GALR2: variants seen among roughly 807,000 people sequenced by gnomAD.
The protein encoded by GALR2 is galanin receptor type 2.
GALR2 carries 5 observed loss-of-function variants against 7.2 expected under a neutral mutation model. The ratio of observed to expected loss-of-function variants is 0.69; its 90% CI spans 0.36 to 1.45. The LOEUF (loss-of-function observed/expected upper bound fraction) is 1.45. Among genes scored for constraint, GALR2 ranks in the 40% most tolerant of loss-of-function variants. The probability of loss-of-function intolerance (pLI) is 0.03; values close to 1 mark genes in which losing one functional copy is unlikely to be tolerated. For synonymous variants in GALR2, 300 were observed against 263.9 expected (o/e 1.14, Z -1.32); for missense variants, 561 against 555.7 (o/e 1.01, Z -0.10).
rs1161720025 is a variant in GALR2 at position 76,075,931 on chromosome 17, C to G, written c.368+680C>G. ...GAGCGTGCCCTGGGGTTCTTCCTCCCCAGCCAGAGGAGAGCGAGAGACGCA... is the reference window on the plus strand; with the variant it reads ...GAGCGTGCCCTGGGGTTCTTCCTCCGCAGCCAGAGGAGAGCGAGAGACGCA... On this transcript the variant is annotated intron_variant, in intron 1 of 1. Coordinates refer to ENST00000329003, the MANE Select transcript of GALR2 (RefSeq NM_003857.4). The surrounding 1 kb of genome is among the most constrained non-coding windows in gnomAD (Gnocchi z 5.9). Among the ~76,000 whole-genome samples, 1 of 152,206 alleles carries G rather than the reference C, an allele frequency of 6.6e-6. No homozygotes were observed. The highest frequency in any genetic ancestry group is 2.4e-5 in the African/African-American group (1 of 41,450).
At chr17:76,072,886 G>A (rs1476710701), upstream of GALR2, among the ~76,000 whole-genome samples, 1 of 152,238 alleles carries the variant, frequency 6.6e-6, no homozygotes, top group Non-Finnish European at 1.5e-5. The surrounding 1 kb of genome is among the most constrained non-coding windows in gnomAD (Gnocchi z 4.5). Context: ...TGCATCCCCA[G>A]GGACTCAAGA....
In GALR2 at chr17:76,074,878, G is replaced by C; in HGVS notation, c.-6G>C. The C allele has an allele frequency of 6.6e-7, 1 of 1,505,576 alleles. No individual in the cohort carries two copies. Among genetic ancestry groups the C allele is most frequent in the South Asian group, 1.3e-5 (1 of 78,854 alleles). 93.3% of individuals were successfully genotyped at this position (1,505,576 alleles called of 1,614,324 possible). On this transcript the variant is annotated 5_prime_UTR_variant, in exon 1 of 2. Transcript: ENST00000329003. This position sits in a 1 kb window ranked among gnomAD's most constrained non-coding sequence, Gnocchi z 6.7. ...GAGCCCGGGCAGCCTCGGGGTCAGC[G>C]GCACCATGAACGTCTCGGGCTGCCC... is the stretch of plus-strand genomic sequence containing the variant.
At chr17:76,072,326 C>G, upstream of GALR2, 2 of 1,612,406 alleles carry the variant, frequency 1.2e-6, no homozygotes. The surrounding 1 kb of genome is among the most constrained non-coding windows in gnomAD (Gnocchi z 4.5). Flanking sequence ...CTCAGGCTAT[C>G]CCCAAATTCT....
At position 76,075,479 on chromosome 17, in the gene GALR2, C is replaced by T. The variant is rs886352070; in HGVS notation, c.368+228C>T. 6.6e-6 allele frequency among the ~76,000 whole-genome samples: 1 copy of T among 152,264 alleles called. No individual in the cohort carries two copies. Among genetic ancestry groups the T allele is most frequent in the Non-Finnish European group, 1.5e-5 (1 of 68,036 alleles). ...TGGAAGCCTGGAGAATGTGGCTCTC[C>T]AGCGCCGCCCGTGCCTGACAACGCG... On this transcript the variant is annotated intron_variant, in intron 1 of 1. Transcript: ENST00000329003. This position sits in a 1 kb window ranked among gnomAD's most constrained non-coding sequence, Gnocchi z 5.9.
chr17:76,072,440 C>CGCCACT (rs766696525), upstream of GALR2: 45 of 1,582,070 alleles, frequency 2.8e-5, no homozygotes, highest in Non-Finnish European at 3.8e-5. This position sits in a 1 kb window ranked among gnomAD's most constrained non-coding sequence, Gnocchi z 4.5. Flanking sequence ...CCACCGCCGC[C>CGCCACT]GCCACTGCCG....
At chr17:76,072,735 T>C (rs1331065846), upstream of GALR2, 4 of 694,408 alleles carry the variant, frequency 5.8e-6, no homozygotes, top group Non-Finnish European at 9.0e-6. The surrounding 1 kb of genome is among the most constrained non-coding windows in gnomAD (Gnocchi z 4.5). Context: ...TGCTGAGATC[T>C]CAGGGGGCAG....
Position 76,076,648 on chromosome 17 carries a change from C to CT in GALR2, c.381_382insT (p.Arg128SerfsTer258), listed in dbSNP as rs779545536. 1.9e-6 allele frequency: 3 copies of CT among 1,584,574 alleles called. No homozygotes were observed. The highest frequency in any genetic ancestry group is 2.6e-6 in the Non-Finnish European group (3 of 1,169,942). Reference sequence around the variant, plus strand: ...GGTCTGACCGCAGGTATCTGGCCATCCGCTACCCGCTGCACTCCCGCGAGC... The same window carrying CT: ...GGTCTGACCGCAGGTATCTGGCCATCTCGCTACCCGCTGCACTCCCGCGAGC... On this transcript the variant is annotated frameshift_variant, in exon 2 of 2. Transcript: ENST00000329003. LOFTEE classifies it low-confidence loss of function (END_TRUNC). This position sits in a 1 kb window ranked among gnomAD's most constrained non-coding sequence, Gnocchi z 6.5.
In GALR2 at chr17:76,075,247, G is replaced by C. The variant is rs1160767602; in HGVS notation, c.364G>C (p.Asp122His). ...CTTCACGCTGGCCGCCGTCTCCCTG[G>C]ACAGGTGAGCCAGCGCCTTGGCCTC... ...SSFTLAAVSL[D>H]RYLAIRYPLH... The change falls in exon 1 of 2, where the codon GAC becomes CAC. Residue 122 changes from aspartate to histidine, a missense_variant. Coordinates refer to ENST00000329003, the MANE Select transcript of GALR2 (RefSeq NM_003857.4). This position sits in a 1 kb window ranked among gnomAD's most constrained non-coding sequence, Gnocchi z 5.9. The C allele has an allele frequency of 4.4e-6, 7 of 1,599,808 alleles. No homozygotes were observed. In the African/African-American group the frequency reaches 8.0e-5, roughly 18 times the overall value.
chr17:76,072,206 C>T, upstream of GALR2: 3 of 1,575,318 alleles, frequency 1.9e-6, no homozygotes, highest in South Asian at 1.2e-5. This position sits in a 1 kb window ranked among gnomAD's most constrained non-coding sequence, Gnocchi z 4.5. Context: ...CAACCCTCGG[C>T]CTCTCCTGCC....
At chr17:76,074,682 G>A, upstream of GALR2, 1 of 580,638 alleles carries the variant, frequency 1.7e-6, no homozygotes, top group Non-Finnish European at 2.9e-6. The surrounding 1 kb of genome is among the most constrained non-coding windows in gnomAD (Gnocchi z 6.7). Flanking sequence ...CGCTGCTGGG[G>A]ACAACCTCGC....
chr17:76,072,548 G>C (rs2144541179), upstream of GALR2: 1 of 1,547,006 alleles, frequency 6.5e-7, no homozygotes, highest in African/African-American at 1.4e-5. The surrounding 1 kb of genome is among the most constrained non-coding windows in gnomAD (Gnocchi z 4.5). Flanking sequence ...ACCTGGGCGG[G>C]TGAGAGCTGG....
In GALR2 at chr17:76,076,001, G is replaced by A. The variant is rs145693362; in HGVS notation, c.369-635G>A. On this transcript the variant is annotated intron_variant, in intron 1 of 1. Coordinates refer to ENST00000329003, the MANE Select transcript of GALR2 (RefSeq NM_003857.4). This position sits in a 1 kb window ranked among gnomAD's most constrained non-coding sequence, Gnocchi z 6.5. ...CTCAGGTGGAGCTTGAAAGGACACT[G>A]GGATGGTTCCTGGGGAGGAAATCCG... Among the ~76,000 whole-genome samples the A allele has an allele frequency of 2.6e-4, 39 of 152,298 alleles. No homozygotes were observed. Among genetic ancestry groups the A allele is most frequent in the African/African-American group, 9.4e-4 (39 of 41,564 alleles).
chr17:76,076,775 GC>G lies in GALR2; in HGVS notation c.510del (p.Asn171ThrfsTer2), dbSNP rs746570894. 17 of 1,606,108 alleles carry G rather than the reference GC, an allele frequency of 1.1e-5. No homozygotes were observed. In the East Asian group the frequency reaches 3.8e-4, roughly 36 times the overall value. Reference protein sequence around the residue: ...YLSYYRQSQLANLTVCHPAWS... With the variant: ...YLSYYRQSQLXNLTVCHPAWS... ...GAGCTACTACCGCCAGTCGCAGCTG[GC>G]CAACCTGACCGTGTGCCATCCCGCG... On this transcript the variant is annotated frameshift_variant, in exon 2 of 2. Transcript: ENST00000329003. LOFTEE classifies it low-confidence loss of function (END_TRUNC). The surrounding 1 kb of genome is among the most constrained non-coding windows in gnomAD (Gnocchi z 6.5).
chr17:76,073,030 C>T (rs1315715553), upstream of GALR2, among the ~76,000 whole-genome samples: 4 of 152,290 alleles, frequency 2.6e-5, no homozygotes, highest in South Asian at 4.1e-4. Flanking sequence ...GGTGTCCTAA[C>T]GGGGTGACTT....
Position 76,075,066 on chromosome 17 carries a change from CCTGTTCATCCTTAA to C in GALR2, c.185_198del (p.Leu62ProfsTer319), listed in dbSNP as rs1286645136. On this transcript the variant is annotated frameshift_variant, in exon 1 of 2. Transcript: ENST00000329003. LOFTEE classifies it high-confidence loss of function. The surrounding 1 kb of genome is among the most constrained non-coding windows in gnomAD (Gnocchi z 5.9). ...GCGGCCAGGCGGTCAGCACTACCAA[CCTGTTCATCCTTAA>C]CCTGGGCGTGGCCGACCTGTGTTTC... 1 of 1,611,814 alleles carries C rather than the reference CCTGTTCATCCTTAA, an allele frequency of 6.2e-7. No individual in the cohort carries two copies. Among genetic ancestry groups the C allele is most frequent in the African/African-American group, 1.3e-5 (1 of 74,868 alleles).
Position 76,077,228 on chromosome 17 carries a change from C to G in GALR2, c.961C>G (p.Arg321Gly). 1 of 1,606,600 alleles carries G rather than the reference C, an allele frequency of 6.2e-7. No individual in the cohort carries two copies. Among genetic ancestry groups the G allele is most frequent in the Non-Finnish European group, 8.5e-7 (1 of 1,177,432 alleles). The change falls in exon 2 of 2, where the codon CGT (arginine) becomes GGT (glycine). Residue 321 changes from arginine to glycine, a missense_variant. Arg to Gly is a moderately radical substitution (Grantham distance 125). Coordinates refer to ENST00000329003, the MANE Select transcript of GALR2 (RefSeq NM_003857.4). ...CCGTGCCCCAGGCCGAGCCTCGGGC[C>G]GTGTGTGCGCTGCCGCGCGGGGCAC... ...LGRAPGRASG[R>G]VCAAARGTHS...
rs2066898269 is a variant in GALR2 at position 76,077,525 on chromosome 17, C to A, written c.*94C>A. 2 of 1,095,216 alleles carry A rather than the reference C, an allele frequency of 1.8e-6. No homozygotes were observed. The highest frequency in any genetic ancestry group is 2.9e-5 in the Admixed American group (1 of 33,992). 67.8% of individuals were successfully genotyped at this position (1,095,216 alleles called of 1,614,324 possible). A position where few individuals can be genotyped will look rare whatever the true frequency, so the allele number is the denominator to read the frequency against. ...TTGCCTGTTAATAAAACGCACAAACCATTTCACACACAGTGACAGCGCTGT... is the reference window on the plus strand; with the variant it reads ...TTGCCTGTTAATAAAACGCACAAACAATTTCACACACAGTGACAGCGCTGT... On this transcript the variant is annotated 3_prime_UTR_variant, in exon 2 of 2. Coordinates refer to ENST00000329003, the MANE Select transcript of GALR2 (RefSeq NM_003857.4).
chr17:76,074,529 C>CG (rs1490093064), upstream of GALR2, among the ~76,000 whole-genome samples: 7 of 152,340 alleles, frequency 4.6e-5, no homozygotes, highest in Non-Finnish European at 7.3e-5. The surrounding 1 kb of genome is among the most constrained non-coding windows in gnomAD (Gnocchi z 6.7). Flanking sequence ...CGGCGTCTGC[C>CG]GGGGAAGTCA....
chr17:76,073,784 G>C (rs62090096), upstream of GALR2, among the ~76,000 whole-genome samples: 28,570 of 151,416 alleles, frequency 0.19, 3,002 homozygotes, highest in Admixed American at 0.34. Context: ...GCCAAAGACA[G>C]AGCCTGACAC....
Sources: gnomAD v4.1 joint callset for allele counts (sites outside exome capture counted in the v4.1 genomes callset) on GRCh38, gnomAD v4.1.1 for gene constraint, Gnocchi (gnomAD v3.1) non-coding constraint, MANE v1.5 for transcripts, NCBI Gene and HGNC (gene_info 2026-07-23, HGNC 2026-07-21) for gene names.